The following DENND1A variants were observed in gnomAD, a reference collection of about 807,000 sequenced individuals.
DENND1A encodes the protein DENN domain-containing protein 1A.
DENND1A carries 51 observed loss-of-function variants against 113.7 expected under a neutral mutation model. The ratio of observed to expected loss-of-function variants is 0.45; its 90% CI spans 0.36 to 0.57. DENND1A has a LOEUF of 0.57. Ranked by LOEUF, DENND1A falls within the 20% of genes least tolerant of loss-of-function variation. The probability of loss-of-function intolerance (pLI) is 0.00; values close to 1 mark genes in which losing one functional copy is unlikely to be tolerated. For synonymous variants in DENND1A, 565 were observed against 570.8 expected (o/e 0.99, Z 0.14); for missense variants, 1,258 against 1,395.9 (o/e 0.90, Z 1.57).
intron 13 of DENND1A, among the ~76,000 whole-genome samples, chr9:123,492,282 G>A (rs915777534): frequency 2.0e-5 from 3 of 152,374 alleles, no homozygotes; most frequent in African/African-American, 7.2e-5. Flanking sequence ...CAAAGGAAGA[G>A]AGGGGGTCAC....
chr9:123,503,041 C>T (rs1198849910), intron 13 of DENND1A, among the ~76,000 whole-genome samples: 1 of 152,186 alleles, frequency 6.6e-6, no homozygotes, highest in East Asian at 1.9e-4. Context: ...TAATACCACT[C>T]ACCTCTTAGG....
chr9:123,755,858 A>G (rs1164289330), intron 5 of DENND1A, among the ~76,000 whole-genome samples: 3 of 152,234 alleles, frequency 2.0e-5, no homozygotes, highest in Non-Finnish European at 4.4e-5. Flanking sequence ...GTTACAGGTA[A>G]GGCTACCAGT....
intron 8 of DENND1A, among the ~76,000 whole-genome samples, chr9:123,660,504 T>G (rs1403011379): frequency 6.6e-6 from 1 of 151,588 alleles, no homozygotes; most frequent in South Asian, 2.1e-4. Context: ...AAATTAGAAA[T>G]GATCAGAATT....
intron 21 of DENND1A, among the ~76,000 whole-genome samples, chr9:123,402,093 C>T (rs548004075): frequency 6.6e-6 from 1 of 152,232 alleles, no homozygotes; most frequent in Non-Finnish European, 1.5e-5. Context: ...TGCCATGCAG[C>T]GTTCTCTCCA....
At chr9:123,838,307 C>T (rs780559418) in intron 2 of DENND1A, among the ~76,000 whole-genome samples, 1 of 152,106 alleles carries the variant, frequency 6.6e-6, no homozygotes, top group Non-Finnish European at 1.5e-5. Flanking sequence ...AGAAAAAATA[C>T]ACACATACTT....
chr9:123,720,878 C>T (rs914404874), intron 5 of DENND1A, among the ~76,000 whole-genome samples: 1 of 152,202 alleles, frequency 6.6e-6, no homozygotes, highest in African/African-American at 2.4e-5. Flanking sequence ...CCAGTCTTTA[C>T]CTAAAAGAAA....
At chr9:123,731,129 A>G (rs1413361954) in intron 5 of DENND1A, among the ~76,000 whole-genome samples, 2 of 152,180 alleles carry the variant, frequency 1.3e-5, no homozygotes, top group African/African-American at 4.8e-5. Context: ...TAGGGGAGGA[A>G]TAGCATTAGG....
chr9:123,464,787 T>C (rs908017755), intron 13 of DENND1A, among the ~76,000 whole-genome samples: 1 of 151,952 alleles, frequency 6.6e-6, no homozygotes, highest in Admixed American at 6.6e-5. Flanking sequence ...AATAATGGAA[T>C]ATTTATAGCA....
chr9:123,582,518 G>A lies in DENND1A; in HGVS notation c.867+651C>T, dbSNP rs150046415. ...GGGTTCAAGCAATTCTCCTGCCTCA[G>A]CCTCCTGAGTAGCTGGGACTACAGG... On this transcript the variant is annotated intron_variant, in intron 12 of 23. Transcript: ENST00000394215. Among the ~76,000 whole-genome samples the A allele has an allele frequency of 4.4e-3, 664 of 151,192 alleles. 5 individuals carry two copies. Among genetic ancestry groups the A allele is most frequent in the African/African-American group, 0.016 (641 of 41,042 alleles).
chr9:123,832,991 G>A (rs773137914), intron 2 of DENND1A, among the ~76,000 whole-genome samples: 32 of 151,866 alleles, frequency 2.1e-4, no homozygotes, highest in African/African-American at 6.3e-4. Flanking sequence ...CCGGGGGAGC[G>A]GTCCATGCCT....
At chr9:123,806,677 C>T (rs539613893) in intron 2 of DENND1A, among the ~76,000 whole-genome samples, 1 of 152,246 alleles carries the variant, frequency 6.6e-6, no homozygotes, top group East Asian at 1.9e-4. Context: ...GAATGCTTAA[C>T]CTGTACTTAT....
intron 2 of DENND1A, among the ~76,000 whole-genome samples, chr9:123,810,347 G>A (rs1374052302): frequency 6.6e-6 from 1 of 152,038 alleles, no homozygotes; most frequent in African/African-American, 2.4e-5. Context: ...AGATGCCAGG[G>A]CTTGAGAAGC....
intron 2 of DENND1A, among the ~76,000 whole-genome samples, chr9:123,847,028 G>A (rs765543091): frequency 2.0e-5 from 3 of 152,026 alleles, no homozygotes; most frequent in Non-Finnish European, 4.4e-5. Flanking sequence ...CATTTTTGTA[G>A]AGACAGGGTC....
intron 11 of DENND1A, among the ~76,000 whole-genome samples, chr9:123,602,421 C>G (rs1440245738): frequency 6.6e-6 from 1 of 151,974 alleles, no homozygotes; most frequent in African/African-American, 2.4e-5. Context: ...GGACATGGAA[C>G]CTGTGGATGC....
At position 123,712,632 on chromosome 9, in the gene DENND1A, T is replaced by C. The variant is rs535007407; in HGVS notation, c.303-35843A>G. 2.6e-4 allele frequency among the ~76,000 whole-genome samples: 40 copies of C among 152,312 alleles called. 1 individual carries two copies. In the South Asian group the frequency reaches 7.1e-3, roughly 27 times the overall value. On this transcript the variant is annotated intron_variant, in intron 5 of 23. Transcript: ENST00000394215. ...ATAGACCAGGCACCAGATGTACATA[T>C]GGAAATCTGTAGCCACTGGTTCCTC...
chr9:123,705,603 T>C (rs1340984357), intron 5 of DENND1A, among the ~76,000 whole-genome samples: 1 of 151,944 alleles, frequency 6.6e-6, no homozygotes, highest in Non-Finnish European at 1.5e-5. Context: ...GGGAAAAAAA[T>C]GAAGCAAAGA....
At chr9:123,757,494 G>A (rs1026979215) in intron 5 of DENND1A, among the ~76,000 whole-genome samples, 1 of 152,190 alleles carries the variant, frequency 6.6e-6, no homozygotes, top group African/African-American at 2.4e-5. Flanking sequence ...TCCCACCCAA[G>A]GGATGTGATA....
At chr9:123,647,238 C>T (rs574045772) in intron 9 of DENND1A, among the ~76,000 whole-genome samples, 14 of 152,188 alleles carry the variant, frequency 9.2e-5, no homozygotes, top group Admixed American at 7.2e-4. Context: ...TGTAAGAACC[C>T]CAAACCTACC....
At chr9:123,891,343 G>C (rs961807398) in intron 1 of DENND1A, among the ~76,000 whole-genome samples, 1 of 152,148 alleles carries the variant, frequency 6.6e-6, no homozygotes, top group African/African-American at 2.4e-5. Context: ...ACAACGTAAC[G>C]TACACTATAC....
Sources: gnomAD v4.1 joint callset for allele counts (sites outside exome capture counted in the v4.1 genomes callset) on GRCh38, gnomAD v4.1.1 for gene constraint, MANE v1.5 for transcripts, NCBI Gene and HGNC (gene_info 2026-07-23, HGNC 2026-07-21) for gene names.